Variants in ZNF566 observed in about 807,000 individuals in gnomAD.
ZNF566 encodes zinc finger protein 566.
ZNF566 carries 27 observed loss-of-function variants against 32.8 expected under a neutral mutation model. The observed-to-expected ratio is 0.82, with a 90% CI of 0.61 to 1.14. The LOEUF is 1.14. ZNF566 is among the 50% of genes most tolerant of loss of function. ZNF566 has a pLI of 0.00. For synonymous variants in ZNF566, 154 were observed against 159.5 expected (o/e 0.97, Z 0.26); for missense variants, 402 against 490.4 (o/e 0.82, Z 1.70).
chr19:36,479,675 C>A (rs2145700347), intron 1 of ZNF566, among the ~76,000 whole-genome samples: 1 of 152,266 alleles, frequency 6.6e-6, no homozygotes. Context: ...TGCTTTGTTA[C>A]CCAGGTCGGA....
At chr19:36,462,956 C>CAAAAAAAAAAAAAAAAAAAAA (rs755283751) in intron 4 of ZNF566, among the ~76,000 whole-genome samples, 2 of 38,558 alleles carry the variant, frequency 5.2e-5, no homozygotes, top group Non-Finnish European at 8.9e-5. Context: ...GACTCTGTCT[C>CAAAAAAAAAAAAAAAAAAAAA]AAAAAAAAAA....
intron 4 of ZNF566, among the ~76,000 whole-genome samples, chr19:36,467,816 A>G (rs1209282579): frequency 1.0e-5 from 1 of 99,118 alleles, no homozygotes; most frequent in African/African-American, 3.9e-5. Context: ...AAAAAAAAAA[A>G]AAAAAAAAGA....
Position 36,449,716 on chromosome 19 carries a change from G to A in ZNF566, c.518C>T (p.Ser173Phe). The A allele has an allele frequency of 6.2e-7, 1 of 1,614,102 alleles. No individual in the cohort carries two copies. The highest frequency in any genetic ancestry group is 8.5e-7 in the Non-Finnish European group (1 of 1,180,028). The change falls in exon 5 of 5, where the codon TCT (serine) becomes TTT (phenylalanine). Residue 173 changes from serine (S) to phenylalanine (F), a missense_variant. Physicochemically the swap from Ser to Phe is radical, Grantham distance 155. Coordinates refer to ENST00000452939, the MANE Select transcript of ZNF566 (RefSeq NM_001145344.1). ...TCTAAAGGTTTTCCTATATTCTTTA[G>A]ATGCACAGAATTTCTTTTTACTGTT... ...IINSKKKFCA[S>F]KEYRKTFRHG...
chr19:36,464,868 A>G (rs1290809053), intron 4 of ZNF566, among the ~76,000 whole-genome samples: 1 of 152,228 alleles, frequency 6.6e-6, no homozygotes, highest in Non-Finnish European at 1.5e-5. Flanking sequence ...AAAAATGTTT[A>G]TAAGCAATAT....
At chr19:36,460,877 T>C (rs1421046407) in intron 4 of ZNF566, among the ~76,000 whole-genome samples, 3 of 152,080 alleles carry the variant, frequency 2.0e-5, no homozygotes, top group Non-Finnish European at 4.4e-5. Context: ...CTTCATAAAC[T>C]CTGGAGGCCA....
intron 4 of ZNF566, among the ~76,000 whole-genome samples, chr19:36,468,820 G>T (rs2033690823): frequency 1.3e-5 from 2 of 151,620 alleles, no homozygotes; most frequent in South Asian, 2.1e-4. Flanking sequence ...AGGCTGAGGT[G>T]GGGGGATCAC....
rs1233007427 is a variant in ZNF566, at chr19:36,481,043, C to CA, written c.-59-4428dup. ...GGGCAACAAGAGTGAGACTTCGTTTCAAAAAAAAGCACTAGTCATAAAAGA... is the reference window on the plus strand; with the variant it reads ...GGGCAACAAGAGTGAGACTTCGTTTCAAAAAAAAAGCACTAGTCATAAAAGA... On this transcript the variant is annotated intron_variant, in intron 1 of 4. Coordinates refer to ENST00000452939, the MANE Select transcript of ZNF566 (RefSeq NM_001145344.1). Among the ~76,000 whole-genome samples the CA allele has an allele frequency of 6.6e-5, 10 of 150,906 alleles. No individual in the cohort carries two copies. The East Asian group carries it at 1.6e-3, about 24-fold the overall frequency.
In ZNF566 at chr19:36,449,254, A is replaced by G. The variant is rs754441695; in HGVS notation, c.980T>C (p.Ile327Thr). The change falls in exon 5 of 5, where the codon ATT (isoleucine) becomes ACT (threonine). Residue 327 changes from isoleucine (I) to threonine (T), a missense_variant. Coordinates refer to ENST00000452939, the MANE Select transcript of ZNF566 (RefSeq NM_001145344.1). Reference sequence around the variant, plus strand: ...ACCTGTATGGATTCTTTGATGTTTAATAAGTTGTGAGCTCTGACTAAAGGC... The same window carrying G: ...ACCTGTATGGATTCTTTGATGTTTAGTAAGTTGTGAGCTCTGACTAAAGGC... ...GNAFSQSSQLIKHQRIHTGEK... is the reference protein window; with the variant it reads ...GNAFSQSSQLTKHQRIHTGEK... The G allele has an allele frequency of 5.6e-6, 9 of 1,613,892 alleles. No homozygotes were observed. The highest frequency in any genetic ancestry group is 1.1e-5 in the South Asian group (1 of 91,060).
intron 4 of ZNF566, among the ~76,000 whole-genome samples, chr19:36,461,766 G>A (rs2033469022): frequency 6.6e-6 from 1 of 152,132 alleles, no homozygotes; most frequent in African/African-American, 2.4e-5. Context: ...GTTGGGTACA[G>A]GCTGCAAGTT....
Position 36,449,313 on chromosome 19 carries a change from C to T in ZNF566, c.921G>A (p.Gly307=). The T allele has an allele frequency of 6.2e-7, 1 of 1,613,792 alleles. No homozygotes were observed. Among genetic ancestry groups the T allele is most frequent in the East Asian group, 2.2e-5 (1 of 44,838 alleles). ...NFTQHQRIHT[G]EKPYECKECG... is the part of the protein sequence containing the mutation. The stretch of plus-strand genomic sequence containing the variant: ...ATTCCTTACATTCATAGGGTTTTTC[C>T]CCAGTATGAATTCTCTGATGTTGAG... Residue 307 remains glycine, a synonymous_variant, in exon 5 of 5, where the codon GGG becomes GGA. Coordinates refer to ENST00000452939, the MANE Select transcript of ZNF566 (RefSeq NM_001145344.1).
rs58635488 is a variant in ZNF566, at chr19:36,473,930, T to A, written c.10-472A>T. Among the ~76,000 whole-genome samples the A allele has an allele frequency of 4.9e-3, 743 of 152,190 alleles. 6 individuals are homozygous for A. Among genetic ancestry groups the A allele is most frequent in the African/African-American group, 0.017 (701 of 41,542 alleles). On this transcript the variant is annotated intron_variant, in intron 2 of 4. Coordinates refer to ENST00000452939, the MANE Select transcript of ZNF566 (RefSeq NM_001145344.1). The stretch of plus-strand genomic sequence containing the variant: ...AAGGCATCAAAAATTAGAGGGGCAA[T>A]GGAATTCTCAAGAACACCTCTAAAA...
At chr19:36,460,481 G>T (rs1219335153) in intron 4 of ZNF566, among the ~76,000 whole-genome samples, 4 of 152,088 alleles carry the variant, frequency 2.6e-5, no homozygotes, top group African/African-American at 9.7e-5. Flanking sequence ...CAATAAACTT[G>T]AAGATAGTTC....
intron 4 of ZNF566, 72 bp from the exon 5 acceptor site, chr19:36,450,073 G>A (rs1021943880): frequency 6.7e-6 from 9 of 1,341,380 alleles, no homozygotes; most frequent in African/African-American, 1.5e-5. Context: ...ATCAATATGG[G>A]AGAATTTAAC....
intron 4 of ZNF566, among the ~76,000 whole-genome samples, chr19:36,463,715 G>C (rs2033540342): frequency 6.7e-6 from 1 of 148,934 alleles, no homozygotes; most frequent in Non-Finnish European, 1.5e-5. Flanking sequence ...GCTAATTTTT[G>C]TGTTTGCTTT....
At chr19:36,454,333 T>C (rs762748495) in intron 4 of ZNF566, among the ~76,000 whole-genome samples, 4 of 151,820 alleles carry the variant, frequency 2.6e-5, no homozygotes, top group Non-Finnish European at 5.9e-5. Flanking sequence ...CATCAAATCA[T>C]ACCACCATAA....
chr19:36,460,687 A>C (rs767920092), intron 4 of ZNF566, among the ~76,000 whole-genome samples: 1 of 152,176 alleles, frequency 6.6e-6, no homozygotes, highest in Admixed American at 6.5e-5. Flanking sequence ...GTGAAAGATA[A>C]AACAAGCAAA....
chr19:36,464,049 T>C (rs997169892), intron 4 of ZNF566, among the ~76,000 whole-genome samples: 1 of 152,120 alleles, frequency 6.6e-6, no homozygotes, highest in Non-Finnish European at 1.5e-5. Flanking sequence ...TTATACATAT[T>C]AAAAACTCAA....
intron 2 of ZNF566, among the ~76,000 whole-genome samples, chr19:36,475,712 G>A (rs1436571460): frequency 4.6e-5 from 7 of 152,062 alleles, no homozygotes; most frequent in African/African-American, 7.2e-5. Flanking sequence ...AAAAGCGGGG[G>A]GCGGCGGGGA....
intron 1 of ZNF566, among the ~76,000 whole-genome samples, chr19:36,485,345 G>A (rs2034134128): frequency 6.6e-6 from 1 of 151,482 alleles, no homozygotes. Flanking sequence ...AGGGGCTGAG[G>A]TGGAAGAATT....
Sources: allele counts gnomAD v4.1 joint callset (sites outside exome capture counted in the v4.1 genomes callset), GRCh38; gene constraint gnomAD v4.1.1; transcripts MANE v1.5; gene names NCBI Gene and HGNC (gene_info 2026-07-23, HGNC 2026-07-21).